ACTR3B: variants seen among roughly 807,000 people sequenced by gnomAD.
The protein encoded by ACTR3B is actin-related protein 3B.
Under a neutral mutation model 59.0 loss-of-function variants are expected in ACTR3B, and 8 were observed. The observed-to-expected ratio is 0.14, with a 90% CI of 0.08 to 0.24. The LOEUF (loss-of-function observed/expected upper bound fraction) is 0.24. Ranked by LOEUF, ACTR3B falls within the 10% of genes least tolerant of loss-of-function variation. The pLI is 1.00. For missense variants in ACTR3B, 245 were observed against 552.3 expected (o/e 0.44, Z 5.58); for synonymous variants, 148 against 197.9 (o/e 0.75, Z 2.12).
At position 152,832,882 on chromosome 7, in the gene ACTR3B, T is replaced by C. The variant is rs559915661; in HGVS notation, c.951+7760T>C. On this transcript the variant is annotated intron_variant, in intron 9 of 11. Transcript: ENST00000256001. ...ATTATAGAGGGTCATCTTTCCTTAATGTTGACCACATCCACAAAACACCCT... is the reference window on the plus strand; with the variant it reads ...ATTATAGAGGGTCATCTTTCCTTAACGTTGACCACATCCACAAAACACCCT... Among the ~76,000 whole-genome samples the C allele has an allele frequency of 3.9e-5, 6 of 152,320 alleles. No individual in the cohort carries two copies. In the South Asian group the frequency reaches 6.2e-4, roughly 16 times the overall value.
intron 2 of ACTR3B, among the ~76,000 whole-genome samples, chr7:152,796,898 T>G (rs1216688256): frequency 1.6e-4 from 13 of 83,766 alleles, no homozygotes; most frequent in African/African-American, 5.2e-4. Context: ...TTTTTTTTTT[T>G]GTAGAGACGG....
At chr7:152,844,510 G>A (rs1265202837) in intron 9 of ACTR3B, among the ~76,000 whole-genome samples, 4 of 151,810 alleles carry the variant, frequency 2.6e-5, no homozygotes, top group Non-Finnish European at 4.4e-5. Context: ...TTAGGCTTAC[G>A]TTTATTTGAA....
chr7:152,815,674 G>T (rs1176466081), intron 5 of ACTR3B, among the ~76,000 whole-genome samples: 3 of 152,020 alleles, frequency 2.0e-5, no homozygotes, highest in Non-Finnish European at 4.4e-5. Context: ...AAGCCTCCCC[G>T]CCCCGACGAA....
intron 6 of ACTR3B, among the ~76,000 whole-genome samples, chr7:152,818,943 C>T (rs975573921): frequency 6.6e-6 from 1 of 152,064 alleles, no homozygotes; most frequent in Admixed American, 6.5e-5. Context: ...TTAAGAAGTA[C>T]ATAATTTATT....
intron 9 of ACTR3B, among the ~76,000 whole-genome samples, chr7:152,836,541 T>C (rs1005074801): frequency 4.6e-5 from 7 of 152,078 alleles, no homozygotes; most frequent in Admixed American, 4.6e-4. Flanking sequence ...GAGCTGTGAT[T>C]GCACCACTGC....
Position 152,854,815 on chromosome 7 carries a change from G to C in ACTR3B, c.*262G>C, listed in dbSNP as rs923347106. On this transcript the variant is annotated 3_prime_UTR_variant, in exon 12 of 12. Transcript: ENST00000256001. The surrounding 1 kb of genome is among the most constrained non-coding windows in gnomAD (Gnocchi z 4.9). ...CTCCTCCTCCTCCGAGCTGCTAGCT[G>C]ACAAATACAATTCTGAAGGAATCCA... 1 of 417,980 alleles carries C rather than the reference G, an allele frequency of 2.4e-6. No individual in the cohort carries two copies. The highest frequency in any genetic ancestry group is 6.4e-4 in the Middle Eastern group (1 of 1,564). 25.9% of individuals were successfully genotyped at this position (417,980 alleles called of 1,614,324 possible).
chr7:152,773,672 A>G (rs1243027741), intron 1 of ACTR3B, among the ~76,000 whole-genome samples: 1 of 152,234 alleles, frequency 6.6e-6, no homozygotes, highest in Non-Finnish European at 1.5e-5. Context: ...TGCAAAACAA[A>G]AAAAAATTAA....
At chr7:152,793,209 A>G (rs1390970578) in intron 2 of ACTR3B, among the ~76,000 whole-genome samples, 2 of 74,654 alleles carry the variant, frequency 2.7e-5, no homozygotes, top group Admixed American at 1.5e-4. Context: ...CAGTTTAGCC[A>G]TTGTTTCTTT....
chr7:152,843,053 ACAACT>A (rs1291605094), intron 9 of ACTR3B, among the ~76,000 whole-genome samples: 4 of 152,150 alleles, frequency 2.6e-5, no homozygotes, highest in African/African-American at 9.7e-5. Context: ...TTATTAAGTG[ACAACT>A]CAATAGTAAG....
In ACTR3B at chr7:152,854,355, G is replaced by A; in HGVS notation, c.1162-103G>A. ...TTGCAGCAGCGGTCCTGGGAGGGAGGGTGGAGGCCGGGATGAGGAGAGTGT... is the reference window on the plus strand; with the variant it reads ...TTGCAGCAGCGGTCCTGGGAGGGAGAGTGGAGGCCGGGATGAGGAGAGTGT... On this transcript the variant is annotated intron_variant, in intron 11 of 11. Transcript: ENST00000256001. The surrounding 1 kb of genome is among the most constrained non-coding windows in gnomAD (Gnocchi z 4.9). 1.0e-6 allele frequency: 1 copy of A among 990,334 alleles called. No homozygotes were observed. The highest frequency in any genetic ancestry group is 2.4e-5 in the East Asian group (1 of 41,750). The allele number at this position is 990,334 out of a possible 1,614,324, so 61.3% of individuals were successfully genotyped here.
intron 1 of ACTR3B, among the ~76,000 whole-genome samples, chr7:152,761,729 G>C (rs1341617818): frequency 6.6e-6 from 1 of 152,128 alleles, no homozygotes; most frequent in African/African-American, 2.4e-5. Context: ...GAAAGAGCCC[G>C]AATTTACCAA....
intron 9 of ACTR3B, among the ~76,000 whole-genome samples, chr7:152,849,156 C>A (rs1254582399): frequency 1.3e-5 from 2 of 152,196 alleles, no homozygotes; most frequent in African/African-American, 4.8e-5. Context: ...GTGAAACCCC[C>A]AGATGAGGAC....
chr7:152,802,264 G>A (rs2098239155), intron 4 of ACTR3B, among the ~76,000 whole-genome samples: 2 of 151,992 alleles, frequency 1.3e-5, no homozygotes, highest in East Asian at 3.9e-4. Flanking sequence ...GAACCTGTCT[G>A]ATGTTCTGGA....
chr7:152,796,097 G>A (rs2098215745), intron 2 of ACTR3B, among the ~76,000 whole-genome samples: 1 of 152,082 alleles, frequency 6.6e-6, no homozygotes, highest in Non-Finnish European at 1.5e-5. Flanking sequence ...TACCCGCCTC[G>A]ACCTCCTAAA....
chr7:152,769,869 T>TAAA lies in ACTR3B; in HGVS notation c.44+9956_44+9958dup, dbSNP rs5888484. 4.6e-4 allele frequency among the ~76,000 whole-genome samples: 64 copies of TAAA among 139,488 alleles called. 1 individual carries two copies. Among genetic ancestry groups the TAAA allele is most frequent in the African/African-American group, 1.7e-3 (64 of 38,094 alleles). The allele number at this position is 139,488 out of a possible 152,430, so 91.5% of individuals were successfully genotyped here. A position where few individuals can be genotyped will look rare whatever the true frequency, so the allele number is the denominator to read the frequency against. ...TTTCTCCGTTTCAGCATCTGATTTG[T>TAAA]AAAAAAAAAAAAAAAGCCTTTTACT... is the stretch of plus-strand genomic sequence containing the variant. On this transcript the variant is annotated intron_variant, in intron 1 of 11. Coordinates refer to ENST00000256001, the MANE Select transcript of ACTR3B (RefSeq NM_020445.6).
Position 152,824,575 on chromosome 7 carries a change from C to G in ACTR3B, c.859-455C>G, listed in dbSNP as rs922093473. ...CAAACCCTTCTCATTAAACAAAACACTTCCCTGCATCTTCTAGACCAGGTT... is the reference window on the plus strand; with the variant it reads ...CAAACCCTTCTCATTAAACAAAACAGTTCCCTGCATCTTCTAGACCAGGTT... On this transcript the variant is annotated intron_variant, in intron 8 of 11. Transcript: ENST00000256001. The surrounding 1 kb of genome is among the most constrained non-coding windows in gnomAD (Gnocchi z 4.2). 5.3e-5 allele frequency among the ~76,000 whole-genome samples: 8 copies of G among 152,208 alleles called. No individual in the cohort carries two copies. Among genetic ancestry groups the G allele is most frequent in the Non-Finnish European group, 1.0e-4 (7 of 68,038 alleles).
At chr7:152,812,019 C>CTTTTTTTTTTTTATTTT (rs1795288256) in intron 4 of ACTR3B, 1 of 23,356 alleles carries the variant, frequency 4.3e-5, no homozygotes, top group African/African-American at 1.1e-4. Flanking sequence ...AAATAAAAGT[C>CTTTTTTTTTTTTATTTT]TTTTTTTTTT....
intron 9 of ACTR3B, among the ~76,000 whole-genome samples, chr7:152,851,266 A>G (rs1335750049): frequency 6.6e-6 from 1 of 152,340 alleles, no homozygotes; most frequent in Non-Finnish European, 1.5e-5. Context: ...CTGTCTGTCT[A>G]AAAATACCTT....
intron 9 of ACTR3B, among the ~76,000 whole-genome samples, chr7:152,831,401 C>T (rs1232581809): frequency 2.0e-5 from 3 of 152,126 alleles, no homozygotes; most frequent in Admixed American, 6.6e-5. Context: ...GGTGGGCCTC[C>T]GTGTGGACAG....
Sources: allele counts gnomAD v4.1 joint callset (sites outside exome capture counted in the v4.1 genomes callset), GRCh38; gene constraint gnomAD v4.1.1; non-coding constraint Gnocchi (gnomAD v3.1); transcripts MANE v1.5; gene names NCBI Gene and HGNC (gene_info 2026-07-23, HGNC 2026-07-21).